The following MAP3K19 variants were observed in gnomAD, a reference collection of about 807,000 sequenced individuals.
MAP3K19 encodes the protein mitogen-activated protein kinase kinase kinase 19, also known as SPS1/STE20-related protein kinase YSK4.
In MAP3K19, 91 loss-of-function variants were observed where a neutral mutation model predicts 114.4. The ratio of observed to expected loss-of-function variants is 0.80; its 90% CI spans 0.67 to 0.95. The LOEUF is 0.95. Ranked by LOEUF, MAP3K19 falls within the 40% of genes least tolerant of loss-of-function variation. MAP3K19 has a pLI of 0.00. For synonymous variants in MAP3K19, 518 were observed against 530.5 expected (o/e 0.98, Z 0.32); for missense variants, 1,471 against 1,573.2 (o/e 0.94, Z 1.10).
intron 12 of MAP3K19, among the ~76,000 whole-genome samples, chr2:134,975,173 T>C (rs1005732724): frequency 1.3e-5 from 2 of 152,198 alleles, no homozygotes; most frequent in African/African-American, 2.4e-5. Context: ...GAGCCAATTC[T>C]TGGGCCTCCA....
intron 3 of MAP3K19, among the ~76,000 whole-genome samples, chr2:135,026,250 C>T (rs1401401135): frequency 6.6e-6 from 1 of 152,190 alleles, no homozygotes; most frequent in African/African-American, 2.4e-5. Context: ...ATTGGGGCCT[C>T]TCCTCATCTG....
intron 8 of MAP3K19, among the ~76,000 whole-genome samples, chr2:134,992,675 A>AT (rs11414198): frequency 0.06 from 8,881 of 148,176 alleles, 739 homozygotes; most frequent in East Asian, 0.4. Context: ...AGAGCTGCAG[A>AT]TTTTTTTTTT....
rs75502879 is a variant in MAP3K19, at chr2:135,010,530, A to G, written c.139-4999T>C. 6.6e-3 allele frequency among the ~76,000 whole-genome samples: 1,010 copies of G among 152,354 alleles called. 11 individuals are homozygous for G. The highest frequency in any genetic ancestry group is 8.5e-3 in the Non-Finnish European group (578 of 68,024). ...CAACACCACGGGAGCTGATAGATGG[A>G]TAAGAAATAGAGCATCGCATTCTAG... is the stretch of plus-strand genomic sequence containing the variant. On this transcript the variant is annotated intron_variant, in intron 5 of 12. Coordinates refer to ENST00000392915, the MANE Select transcript of MAP3K19 (RefSeq NM_025052.5).
At chr2:134,993,344 C>T (rs1256843982) in intron 8 of MAP3K19, among the ~76,000 whole-genome samples, 1 of 152,114 alleles carries the variant, frequency 6.6e-6, no homozygotes. Flanking sequence ...AGAAGAGGAC[C>T]CCAACAGGCA....
intron 5 of MAP3K19, among the ~76,000 whole-genome samples, chr2:135,016,789 C>A (rs1687609717): frequency 6.6e-6 from 1 of 152,168 alleles, no homozygotes; most frequent in South Asian, 2.1e-4. Flanking sequence ...TGGTGCCATT[C>A]CAGTTTCCTA....
In MAP3K19 at chr2:135,041,108, G is replaced by T. The variant is rs138666260; in HGVS notation, c.-423-606C>A. On this transcript the variant is annotated intron_variant, in intron 1 of 12. Coordinates refer to ENST00000392915, the MANE Select transcript of MAP3K19 (RefSeq NM_025052.5). ...ACGTATTTCCTTTCTGAAAGTCCTAGCTTCCCAACAATACTATAAGCTCCT... is the reference window on the plus strand; with the variant it reads ...ACGTATTTCCTTTCTGAAAGTCCTATCTTCCCAACAATACTATAAGCTCCT... Among the ~76,000 whole-genome samples the T allele has an allele frequency of 1.6e-4, 24 of 151,678 alleles. 3 individuals are homozygous for T. The highest frequency in any genetic ancestry group is 5.6e-4 in the African/African-American group (23 of 41,316).
intron 2 of MAP3K19, among the ~76,000 whole-genome samples, chr2:135,035,085 A>T (rs1046753325): frequency 2.0e-5 from 3 of 151,610 alleles, no homozygotes. Flanking sequence ...TTCCATTCAT[A>T]TGAAAATCCC....
At position 134,987,611 on chromosome 2, in the gene MAP3K19, A is replaced by C. The variant is rs773735737; in HGVS notation, c.1261T>G (p.Ser421Ala). The change falls in exon 10 of 13, where the codon TCA (serine) becomes GCA (alanine). Residue 421 changes from serine (S) to alanine (A), a missense_variant. Physicochemically the swap from Ser to Ala is moderately conservative, Grantham distance 99. Transcript: ENST00000392915. ...RNNKAASKRV[S>A]LHKNEAMEPN... ...TCCATTGCTTCATTTTTATGTAATG[A>C]AACTCTTTTTGAAGCAGCTTTATTA... is the stretch of plus-strand genomic sequence containing the variant. The C allele has an allele frequency of 1.2e-6, 2 of 1,614,062 alleles. No individual in the cohort carries two copies. The highest frequency in any genetic ancestry group is 1.7e-6 in the Non-Finnish European group (2 of 1,180,020).
intron 5 of MAP3K19, among the ~76,000 whole-genome samples, chr2:135,019,676 C>CT (rs149549356): frequency 2.0e-5 from 3 of 148,562 alleles, no homozygotes; most frequent in Non-Finnish European, 3.0e-5. Flanking sequence ...ATTTTTTGGA[C>CT]TTTTTTTTTT....
intron 6 of MAP3K19, among the ~76,000 whole-genome samples, chr2:135,003,312 G>A (rs1271406255): frequency 6.6e-6 from 1 of 152,274 alleles, no homozygotes. Context: ...TTTTTCAATG[G>A]TATATGAACT....
At position 135,003,197 on chromosome 2, in the gene MAP3K19, A is replaced by G. The variant is rs922559092; in HGVS notation, c.235+2238T>C. Among the ~76,000 whole-genome samples, 7 of 152,146 alleles carry G rather than the reference A, an allele frequency of 4.6e-5. 1 individual carries two copies. The highest frequency in any genetic ancestry group is 4.6e-4 in the Admixed American group (7 of 15,278). On this transcript the variant is annotated intron_variant, in intron 6 of 12. Transcript: ENST00000392915. ...CTAGAATCTTGATCTTGGACTTCCC[A>G]TTCTTAAGAACTGTGAGAAAATAAA...
At chr2:135,019,485 T>C (rs1167195380) in intron 5 of MAP3K19, among the ~76,000 whole-genome samples, 5 of 151,794 alleles carry the variant, frequency 3.3e-5, no homozygotes, top group Non-Finnish European at 7.4e-5. Context: ...AGGCTAGGAG[T>C]TCAAAAAATT....
intron 8 of MAP3K19, 36 bp from the exon 9 acceptor site, chr2:134,991,616 T>C: frequency 6.4e-7 from 1 of 1,565,266 alleles, no homozygotes; most frequent in Non-Finnish European, 8.8e-7. Context: ...ATATTCTTAG[T>C]AGTAGAAAGA....
At chr2:135,012,553 T>C in intron 5 of MAP3K19, among the ~76,000 whole-genome samples, 1 of 152,190 alleles carries the variant, frequency 6.6e-6, no homozygotes, top group East Asian at 1.9e-4. Flanking sequence ...TTTATCAAAA[T>C]TAAACTGCAC....
intron 6 of MAP3K19, among the ~76,000 whole-genome samples, chr2:135,004,624 A>T (rs1055069082): frequency 6.6e-6 from 1 of 152,244 alleles, no homozygotes; most frequent in Non-Finnish European, 1.5e-5. Flanking sequence ...AAGGTTATGG[A>T]TGAATAGATG....
rs753635374 is a variant in MAP3K19, at chr2:134,987,936, T to A, written c.936A>T (p.Glu312Asp). 1.9e-6 allele frequency: 3 copies of A among 1,614,116 alleles called. No homozygotes were observed. In the African/African-American group the frequency reaches 4.0e-5, roughly 22 times the overall value. ...LEKEENWKSK[E>D]IEECNKIEIT... Reference sequence around the variant, plus strand: ...TTTCAATTTTGTTACATTCTTCTATTTCCTTGGATTTCCAGTTTTCCTCCT... The same window carrying A: ...TTTCAATTTTGTTACATTCTTCTATATCCTTGGATTTCCAGTTTTCCTCCT... The change falls in exon 10 of 13, where the codon GAA (glutamate) becomes GAT (aspartate). Residue 312 changes from glutamate to aspartate, a missense_variant. Transcript: ENST00000392915.
intron 2 of MAP3K19, among the ~76,000 whole-genome samples, chr2:135,038,851 C>A (rs1165510443): frequency 1.3e-5 from 2 of 150,986 alleles, no homozygotes; most frequent in Non-Finnish European, 2.9e-5. Flanking sequence ...GAGTGAGACT[C>A]CATCTCAAAA....
At chr2:135,024,786 G>T in intron 3 of MAP3K19, 45 bp from the exon 4 acceptor site, 1 of 684,958 alleles carries the variant, frequency 1.5e-6, no homozygotes. Context: ...AGTTGAATCT[G>T]TTGAAAAAAG....
chr2:135,011,673 G>GTT (rs1198125500), intron 5 of MAP3K19, among the ~76,000 whole-genome samples: 1 of 151,876 alleles, frequency 6.6e-6, no homozygotes, highest in African/African-American at 2.4e-5. Context: ...GATGTTGTTT[G>GTT]TTTGTTTGTT....
Sources: allele counts gnomAD v4.1 joint callset (sites outside exome capture counted in the v4.1 genomes callset), GRCh38; gene constraint gnomAD v4.1.1; transcripts MANE v1.5; gene names NCBI Gene and HGNC (gene_info 2026-07-23, HGNC 2026-07-21).